FAAH2: variants seen among roughly 807,000 people sequenced by gnomAD.
FAAH2 encodes fatty acid amide hydrolase 2.
FAAH2 carries 60 observed loss-of-function variants against 36.9 expected under a neutral mutation model. The observed-to-expected ratio is 1.63, with a 90% confidence interval of 1.32 to 2.02. The LOEUF is 2.02. Among genes scored for constraint, FAAH2 ranks in the 30% most tolerant of loss-of-function variants. The pLI, the probability that FAAH2 is intolerant of heterozygous loss-of-function variation, is 0.00. For missense variants in FAAH2, 689 were observed against 397.5 expected (o/e 1.73, Z -6.23); for synonymous variants, 214 against 143.8 (o/e 1.49, Z -3.49).
At position 57,347,785 on chromosome X, in the gene FAAH2, G is replaced by A. The variant is rs142668231; in HGVS notation, c.742+6395G>A. Among the ~76,000 whole-genome samples the A allele has an allele frequency of 1.9e-4, 21 of 109,333 alleles. 1 individual carries two copies. In the East Asian group the frequency reaches 5.7e-3, roughly 30 times the overall value. 94.9% of individuals were successfully genotyped at this position (109,333 alleles called of 115,157 possible). A position where few individuals can be genotyped will look rare whatever the true frequency, so the allele number is the denominator to read the frequency against. On this transcript the variant is annotated intron_variant, in intron 5 of 10. Transcript: ENST00000374900. ...TTCAGGAGACCAGGGCTCTTTATAAGATCTTTATTAGTGATTGGATTTTTG... is the reference window on the plus strand; with the variant it reads ...TTCAGGAGACCAGGGCTCTTTATAAAATCTTTATTAGTGATTGGATTTTTG...
chrX:57,350,935 G>C (rs2053982758), intron 5 of FAAH2, among the ~76,000 whole-genome samples: 1 of 111,100 alleles, frequency 9.0e-6, no homozygotes, highest in Non-Finnish European at 1.9e-5. Flanking sequence ...AGATTGTCAA[G>C]ACAAAAATTC....
chrX:57,282,754 T>C (rs2051765731), upstream of FAAH2, among the ~76,000 whole-genome samples: 1 of 111,979 alleles, frequency 8.9e-6, no homozygotes, highest in African/African-American at 3.3e-5. Context: ...GGTTAATAGG[T>C]ACGCTCTTGC....
At chrX:57,298,960 T>A (rs969381449) in intron 2 of FAAH2, among the ~76,000 whole-genome samples, 5 of 111,267 alleles carry the variant, frequency 4.5e-5, no homozygotes, top group African/African-American at 1.6e-4. Context: ...AGGCAATAAT[T>A]AATAGCCTAC....
rs181994660 is a variant in FAAH2 at position 57,481,226 on chromosome X, C to G, written c.1424-7531C>G. On this transcript the variant is annotated intron_variant, in intron 10 of 10. Coordinates refer to ENST00000374900, the MANE Select transcript of FAAH2 (RefSeq NM_174912.4). ...AGAGGAGTTTGTTATTACCTACATA[C>G]TGAAGCCTACTTCTGTCAATTTGTC... 4.5e-5 allele frequency among the ~76,000 whole-genome samples: 5 copies of G among 111,238 alleles called. No individual in the cohort carries two copies. The East Asian group carries it at 1.4e-3, about 32-fold the overall frequency.
At chrX:57,277,595 A>G in the FAAH2 span, among the ~76,000 whole-genome samples, 2 of 111,955 alleles carry the variant, frequency 1.8e-5, no homozygotes, top group Admixed American at 1.9e-4. Context: ...AGAGAAAGAA[A>G]TAAAGGGTAT....
At chrX:57,150,761 T>TAAATGTAAC in the FAAH2 span, among the ~76,000 whole-genome samples, 1 of 112,185 alleles carries the variant, frequency 8.9e-6, no homozygotes, top group East Asian at 2.8e-4. Flanking sequence ...CCCATTTACA[T>TAAATGTAAC]TTAAAGTTAA....
At chrX:57,391,686 T>C (rs960986872) in intron 7 of FAAH2, among the ~76,000 whole-genome samples, 1 of 111,493 alleles carries the variant, frequency 9.0e-6, no homozygotes, top group Non-Finnish European at 1.9e-5. Context: ...ATTCTATGTC[T>C]CCATTTTTTT....
At chrX:57,222,959 G>A in the FAAH2 span, among the ~76,000 whole-genome samples, 1 of 111,029 alleles carries the variant, frequency 9.0e-6, no homozygotes, top group East Asian at 2.9e-4. Context: ...CTCTTGCTAA[G>A]CACCACCTCT....
the FAAH2 span, among the ~76,000 whole-genome samples, chrX:57,242,878 C>A: frequency 1.8e-5 from 2 of 111,889 alleles, no homozygotes; most frequent in African/African-American, 6.5e-5. Flanking sequence ...TTTTCGTAAC[C>A]TAGTGACGCC....
intron 7 of FAAH2, among the ~76,000 whole-genome samples, chrX:57,382,999 C>G (rs1235959648): frequency 8.1e-5 from 9 of 111,176 alleles, no homozygotes; most frequent in African/African-American, 2.6e-4. Context: ...GGCTTCATCC[C>G]TGGGATGCAA....
chrX:57,470,537 A>G (rs1348916359), intron 10 of FAAH2, among the ~76,000 whole-genome samples: 1 of 111,216 alleles, frequency 9.0e-6, no homozygotes, highest in African/African-American at 3.3e-5. Context: ...ACCCCCTAAG[A>G]CTAAACCAGG....
the FAAH2 span, among the ~76,000 whole-genome samples, chrX:57,252,385 G>A: frequency 8.9e-6 from 1 of 112,578 alleles, no homozygotes; most frequent in East Asian, 2.8e-4. Context: ...GAAGAGAGCA[G>A]TGATTCTCCC....
chrX:57,303,971 C>G (rs2052449095), intron 2 of FAAH2, among the ~76,000 whole-genome samples: 2 of 111,620 alleles, frequency 1.8e-5, no homozygotes, highest in African/African-American at 3.3e-5. Context: ...CTTTGAGAGG[C>G]TGAGGCGGGC....
At chrX:57,437,792 ATATGT>A (rs1430776037) in intron 8 of FAAH2, among the ~76,000 whole-genome samples, 28 of 102,080 alleles carry the variant, frequency 2.7e-4, no homozygotes, top group African/African-American at 9.4e-4. Context: ...TATATATTAA[ATATGT>A]TATAATCAGA....
intron 10 of FAAH2, among the ~76,000 whole-genome samples, chrX:57,473,632 A>T (rs906417848): frequency 5.4e-5 from 6 of 111,334 alleles, no homozygotes; most frequent in Non-Finnish European, 9.4e-5. Flanking sequence ...CCCACTATTG[A>T]TATGTTGCTA....
chrX:57,196,919 C>T, the FAAH2 span, among the ~76,000 whole-genome samples: 5 of 111,607 alleles, frequency 4.5e-5, no homozygotes, highest in Non-Finnish European at 5.6e-5. Context: ...TGGACGTCTG[C>T]ATCTCATGCA....
At chrX:57,141,809 T>A in the FAAH2 span, among the ~76,000 whole-genome samples, 1 of 111,070 alleles carries the variant, frequency 9.0e-6, no homozygotes, top group Non-Finnish European at 1.9e-5. Context: ...TTACTTTAAG[T>A]TCTAGGATAC....
chrX:57,238,772 AT>A, the FAAH2 span, among the ~76,000 whole-genome samples: 1 of 111,455 alleles, frequency 9.0e-6, no homozygotes, highest in Admixed American at 9.5e-5. Flanking sequence ...CCTGATATGC[AT>A]TTTTTTAATC....
intron 3 of FAAH2, among the ~76,000 whole-genome samples, chrX:57,327,999 A>G: frequency 9.0e-6 from 1 of 110,821 alleles, no homozygotes; most frequent in South Asian, 3.8e-4. Context: ...TGATGATGTG[A>G]TGTACAGATG....
Sources: allele counts gnomAD v4.1 joint callset (sites outside exome capture counted in the v4.1 genomes callset), GRCh38; gene constraint gnomAD v4.1.1; transcripts MANE v1.5; gene names NCBI Gene and HGNC (gene_info 2026-07-23, HGNC 2026-07-21).